SSBP3: variants seen among roughly 807,000 people sequenced by gnomAD.
The protein encoded by SSBP3 is single-stranded DNA-binding protein 3.
In SSBP3, 5 loss-of-function variants were observed where a neutral mutation model predicts 69.6. That is an observed-to-expected ratio of 0.07 (90% CI 0.04 to 0.15). The LOEUF is 0.15. Among genes scored for constraint, SSBP3 ranks in the 10% least tolerant of loss-of-function variants. The pLI, the probability that SSBP3 is intolerant of heterozygous loss-of-function variation, is 1.00. For missense variants in SSBP3, 312 were observed against 534.0 expected, an observed-to-expected ratio of 0.58 and a Z score of 4.10; for synonymous variants, 196 against 193.4, an observed-to-expected ratio of 1.01 and a Z score of -0.11.
intron 5 of SSBP3, among the ~76,000 whole-genome samples, chr1:54,268,827 G>A (rs1226684879): frequency 6.6e-6 from 1 of 152,194 alleles, no homozygotes; most frequent in Non-Finnish European, 1.5e-5. Flanking sequence ...ACACGGGCAG[G>A]TGCAACAATA....
At chr1:54,264,016 G>A (rs1056438044) in intron 5 of SSBP3, among the ~76,000 whole-genome samples, 3 of 152,112 alleles carry the variant, frequency 2.0e-5, no homozygotes, top group Admixed American at 6.5e-5. Flanking sequence ...AAAGCAAAAC[G>A]AACAGGCTGG....
chr1:54,228,002 G>A (rs1644315882), intron 17 of SSBP3, among the ~76,000 whole-genome samples: 2 of 152,178 alleles, frequency 1.3e-5, no homozygotes, highest in African/African-American at 4.8e-5. Flanking sequence ...GGCTCTCCCG[G>A]CCGTATCAGC....
intron 6 of SSBP3, 189 bp from the exon 7 acceptor site, chr1:54,257,375 A>G: frequency 1.9e-6 from 1 of 535,960 alleles, no homozygotes; most frequent in Non-Finnish European, 3.2e-6. Context: ...CCACACAACA[A>G]ATGTGTCTCT....
At chr1:54,226,008 C>G (rs1644279666) in exon 18 of SSBP3, 1 of 152,378 alleles carries the variant, frequency 6.6e-6, no homozygotes, top group Non-Finnish European at 1.5e-5. Flanking sequence ...AACCGGAACT[C>G]CAGCCCCCCA....
intron 4 of SSBP3, among the ~76,000 whole-genome samples, chr1:54,372,781 G>GT (rs1483125967): frequency 6.6e-6 from 1 of 152,130 alleles, no homozygotes. Context: ...CCTGTACCCT[G>GT]TCCCCTCTTT....
At chr1:54,250,177 A>G (rs527810263) in intron 9 of SSBP3, among the ~76,000 whole-genome samples, 1 of 152,224 alleles carries the variant, frequency 6.6e-6, no homozygotes, top group South Asian at 2.1e-4. Flanking sequence ...CTGGCAGCTT[A>G]AAAGGAGCTA....
chr1:54,402,205 T>A (rs148847116), intron 3 of SSBP3, among the ~76,000 whole-genome samples: 1 of 152,228 alleles, frequency 6.6e-6, no homozygotes, highest in African/African-American at 2.4e-5. Flanking sequence ...GTATTACTTG[T>A]GTCTACCATA....
chr1:54,369,224 G>T (rs924825632), intron 4 of SSBP3, among the ~76,000 whole-genome samples: 1 of 150,538 alleles, frequency 6.6e-6, no homozygotes, highest in Non-Finnish European at 1.5e-5. Flanking sequence ...GAGTCGGGGG[G>T]GGGGCCCAAG....
intron 1 of SSBP3, among the ~76,000 whole-genome samples, chr1:54,412,375 A>T (rs1001422589): frequency 1.3e-5 from 2 of 152,230 alleles, no homozygotes; most frequent in African/African-American, 2.4e-5. Flanking sequence ...AAAGGAATGC[A>T]GTTCTGATAC....
intron 3 of SSBP3, among the ~76,000 whole-genome samples, chr1:54,403,271 G>C (rs551767405): frequency 2.6e-5 from 4 of 152,134 alleles, no homozygotes; most frequent in African/African-American, 9.7e-5. Flanking sequence ...AGCTGCAGAG[G>C]GGGGCTGGAG....
intron 4 of SSBP3, among the ~76,000 whole-genome samples, chr1:54,344,913 G>A (rs190715376): frequency 2.0e-5 from 3 of 152,338 alleles, no homozygotes; most frequent in East Asian, 3.9e-4. Flanking sequence ...GGCAGACAGT[G>A]CCCATTAGTC....
intron 12 of SSBP3, among the ~76,000 whole-genome samples, 199 bp downstream of exon 12, chr1:54,241,275 C>T (rs925522976): frequency 1.3e-5 from 2 of 152,172 alleles, no homozygotes; most frequent in African/African-American, 4.8e-5. Context: ...GGCAATTCCA[C>T]CCCCAGGTCT....
chr1:54,279,240 A>T (rs1488539799), intron 5 of SSBP3, among the ~76,000 whole-genome samples: 3 of 152,244 alleles, frequency 2.0e-5, no homozygotes, highest in Admixed American at 6.5e-5. Flanking sequence ...CAAGTCAAGA[A>T]GGTCCAAAAG....
intron 4 of SSBP3, among the ~76,000 whole-genome samples, chr1:54,354,980 A>T (rs933658336): frequency 6.6e-6 from 1 of 152,218 alleles, no homozygotes; most frequent in Non-Finnish European, 1.5e-5. Flanking sequence ...CAAGGCCAGA[A>T]GACTGCTTAC....
intron 4 of SSBP3, among the ~76,000 whole-genome samples, chr1:54,393,769 T>A (rs1648663466): frequency 6.6e-6 from 1 of 152,238 alleles, no homozygotes; most frequent in African/African-American, 2.4e-5. Flanking sequence ...TTTATTTTTT[T>A]ATTTTTTTGA....
chr1:54,365,905 A>G (rs1425197262), intron 4 of SSBP3, among the ~76,000 whole-genome samples: 1 of 152,202 alleles, frequency 6.6e-6, no homozygotes, highest in African/African-American at 2.4e-5. Flanking sequence ...CTAGCTGTAT[A>G]AACTTGGGCA....
intron 4 of SSBP3, among the ~76,000 whole-genome samples, chr1:54,284,757 T>C (rs1367761643): frequency 6.6e-6 from 1 of 152,074 alleles, no homozygotes; most frequent in Non-Finnish European, 1.5e-5. Flanking sequence ...GTGTGAACCA[T>C]CGTGTCTGGC....
intron 4 of SSBP3, among the ~76,000 whole-genome samples, chr1:54,400,399 G>C (rs1266401163): frequency 6.6e-6 from 1 of 151,692 alleles, no homozygotes; most frequent in Non-Finnish European, 1.5e-5. Flanking sequence ...TTACTAGGTA[G>C]AAAGGTCAAA....
intron 4 of SSBP3, among the ~76,000 whole-genome samples, chr1:54,352,620 G>A (rs958976689): frequency 6.6e-5 from 10 of 152,158 alleles, no homozygotes; most frequent in East Asian, 3.9e-4. Context: ...CGGGATGGCC[G>A]TCATCTCATG....
Sources: gnomAD v4.1 joint callset for allele counts (sites outside exome capture counted in the v4.1 genomes callset) on GRCh38, gnomAD v4.1.1 for gene constraint, MANE v1.5 for transcripts, NCBI Gene and HGNC (gene_info 2026-07-23, HGNC 2026-07-21) for gene names.